CCSER1: variants seen among roughly 807,000 people sequenced by gnomAD.
The protein encoded by CCSER1 is coiled-coil serine rich protein 1, also known as serine-rich coiled-coil domain-containing protein 1.
A neutral mutation model predicts 82.0 loss-of-function variants in CCSER1; 41 were observed. The observed-to-expected ratio is 0.50, with a 90% CI of 0.39 to 0.65. The LOEUF is 0.65. Ranked by LOEUF, CCSER1 falls within the 30% of genes least tolerant of loss-of-function variation. The pLI, the probability that CCSER1 is intolerant of heterozygous loss-of-function variation, is 0.00. For missense variants in CCSER1, 1,119 were observed against 1,064.2 expected, an observed-to-expected ratio of 1.05 and a Z score of -0.72; for synonymous variants, 414 against 383.9, an observed-to-expected ratio of 1.08 and a Z score of -0.92.
At chr4:90,908,232 A>G (rs1725790758) in intron 8 of CCSER1, among the ~76,000 whole-genome samples, 1 of 152,200 alleles carries the variant, frequency 6.6e-6, no homozygotes, top group Non-Finnish European at 1.5e-5. Context: ...TACTTTAAAA[A>G]GAATATCTGT....
chr4:91,086,378 T>C (rs1723395943), intron 10 of CCSER1, among the ~76,000 whole-genome samples: 1 of 152,130 alleles, frequency 6.6e-6, no homozygotes, highest in Non-Finnish European at 1.5e-5. Context: ...ACATTTGGGA[T>C]TCCTCATTTT....
intron 5 of CCSER1, among the ~76,000 whole-genome samples, chr4:90,500,488 C>T (rs376453830): frequency 2.2e-3 from 338 of 152,092 alleles, no homozygotes; most frequent in African/African-American, 7.8e-3. Context: ...TGTGCCACCA[C>T]GCCCAGCTAA....
At chr4:90,817,139 C>G (rs931334478) in intron 8 of CCSER1, among the ~76,000 whole-genome samples, 2 of 152,034 alleles carry the variant, frequency 1.3e-5, no homozygotes, top group Non-Finnish European at 2.9e-5. Flanking sequence ...ATATAGCCCT[C>G]TAGGTACATA....
chr4:90,133,037 A>G (rs1190535750), intron 1 of CCSER1, among the ~76,000 whole-genome samples: 1 of 152,198 alleles, frequency 6.6e-6, no homozygotes, highest in Non-Finnish European at 1.5e-5. Context: ...TGATTGATTC[A>G]GAAGCTCTGG....
chr4:91,069,587 G>C (rs1366184944), intron 9 of CCSER1, among the ~76,000 whole-genome samples: 1 of 152,124 alleles, frequency 6.6e-6, no homozygotes, highest in Non-Finnish European at 1.5e-5. Context: ...TTACGTTCTG[G>C]TGAGAAGAAT....
chr4:91,442,386 T>C (rs1755233093), intron 10 of CCSER1, among the ~76,000 whole-genome samples: 1 of 151,602 alleles, frequency 6.6e-6, no homozygotes, highest in African/African-American at 2.4e-5. Flanking sequence ...ATTCGCTATT[T>C]AATAAATGGT....
chr4:91,441,132 C>A (rs1178183371), intron 10 of CCSER1, among the ~76,000 whole-genome samples: 1 of 152,150 alleles, frequency 6.6e-6, no homozygotes, highest in Non-Finnish European at 1.5e-5. Context: ...AGGCCAGGAT[C>A]ATCCTTATAC....
At chr4:90,999,962 G>A (rs939545087) in intron 9 of CCSER1, among the ~76,000 whole-genome samples, 8 of 148,558 alleles carry the variant, frequency 5.4e-5, no homozygotes, top group African/African-American at 1.7e-4. Flanking sequence ...TAGTGTTTGT[G>A]TATGGTGAAA....
At chr4:91,218,048 G>T (rs902014854) in intron 10 of CCSER1, among the ~76,000 whole-genome samples, 3 of 152,190 alleles carry the variant, frequency 2.0e-5, no homozygotes, top group Admixed American at 6.5e-5. Flanking sequence ...GGCTCCGGCC[G>T]CACAGGAGCC....
chr4:91,555,582 C>CTTTG, intron 10 of CCSER1, among the ~76,000 whole-genome samples: 1 of 150,816 alleles, frequency 6.6e-6, no homozygotes, highest in South Asian at 2.1e-4. Context: ...TATCCATTTT[C>CTTTG]AAAGAAATGA....
chr4:91,370,411 G>GT (rs1749949185), intron 10 of CCSER1, among the ~76,000 whole-genome samples: 1 of 152,062 alleles, frequency 6.6e-6, no homozygotes, highest in Non-Finnish European at 1.5e-5. Context: ...TTAAAAAAAT[G>GT]TTTTGCCGGG....
rs201751787 is a variant in CCSER1 at position 90,390,313 on chromosome 4, C to CA, written c.1510-9723_1510-9722insA. On this transcript the variant is annotated intron_variant, in intron 3 of 10. Coordinates refer to ENST00000509176, the MANE Select transcript of CCSER1 (RefSeq NM_001145065.2). ...TTAATTTCAACTTTTATTGAATATT[C>CA]GGGGGTACATGCACAGGTTTGTTAC... Among the ~76,000 whole-genome samples the CA allele has an allele frequency of 2.7e-4, 41 of 152,110 alleles. 1 individual carries two copies. In the East Asian group the frequency reaches 7.9e-3, roughly 29 times the overall value.
chr4:91,154,574 C>T (rs1031207598), intron 10 of CCSER1, among the ~76,000 whole-genome samples: 2 of 152,022 alleles, frequency 1.3e-5, no homozygotes, highest in South Asian at 4.2e-4. Flanking sequence ...AACCTGGTAC[C>T]TCAGTTGAAA....
At chr4:91,040,720 G>T (rs1741889000) in intron 9 of CCSER1, among the ~76,000 whole-genome samples, 1 of 152,162 alleles carries the variant, frequency 6.6e-6, no homozygotes, top group African/African-American at 2.4e-5. Context: ...ATATTCAGGA[G>T]AAACTGATTT....
chr4:91,170,685 G>A (rs1042694898), intron 10 of CCSER1, among the ~76,000 whole-genome samples: 1 of 152,102 alleles, frequency 6.6e-6, no homozygotes, highest in African/African-American at 2.4e-5. Context: ...CATTGTATAA[G>A]ATTACACACC....
chr4:91,171,684 A>AT (rs1015882488), intron 10 of CCSER1, among the ~76,000 whole-genome samples: 62 of 151,968 alleles, frequency 4.1e-4, no homozygotes, highest in African/African-American at 1.1e-3. Context: ...TCTCTATACT[A>AT]TTTTTTTACC....
In CCSER1 at chr4:90,785,925, T is replaced by C. The variant is rs181628155; in HGVS notation, c.2011-29837T>C. On this transcript the variant is annotated intron_variant, in intron 7 of 10. Transcript: ENST00000509176. ...GGCTTTTTCATCAACATTTGTTATG[T>C]AGCAAATACTCATATAGTTTGCATT... Among the ~76,000 whole-genome samples, 13 of 152,362 alleles carry C rather than the reference T, an allele frequency of 8.5e-5. No homozygotes were observed. In the East Asian group the frequency reaches 2.5e-3, roughly 29 times the overall value.
At chr4:90,954,974 A>G (rs1376116920) in intron 9 of CCSER1, among the ~76,000 whole-genome samples, 3 of 152,110 alleles carry the variant, frequency 2.0e-5, no homozygotes, top group African/African-American at 7.2e-5. Context: ...AGATACTTTT[A>G]TGCTTAGTGT....
chr4:91,030,728 A>G (rs1187130607), intron 9 of CCSER1, among the ~76,000 whole-genome samples: 1 of 142,510 alleles, frequency 7.0e-6, no homozygotes. Flanking sequence ...CTCAATTTCT[A>G]GTTTCTCTGA....
Sources: allele counts gnomAD v4.1 joint callset (sites outside exome capture counted in the v4.1 genomes callset), GRCh38; gene constraint gnomAD v4.1.1; transcripts MANE v1.5; gene names NCBI Gene and HGNC (gene_info 2026-07-23, HGNC 2026-07-21).